TXNRD1: variants seen among roughly 807,000 people sequenced by gnomAD.
TXNRD1 encodes thioredoxin reductase 1, cytoplasmic.
Under a neutral mutation model 80.3 loss-of-function variants are expected in TXNRD1, and 57 were observed. The observed-to-expected ratio is 0.71, with a 90% CI of 0.57 to 0.89. The LOEUF is 0.89. Ranked by LOEUF, TXNRD1 falls within the 40% of genes least tolerant of loss-of-function variation. The pLI, the probability that TXNRD1 is intolerant of heterozygous loss-of-function variation, is 0.00. For missense variants in TXNRD1, 730 were observed against 803.0 expected (o/e 0.91, Z 1.10); for synonymous variants, 291 against 285.2 (o/e 1.02, Z -0.20).
Position 104,348,439 on chromosome 12 carries a change from G to C in TXNRD1, c.*18G>C. 1.2e-6 allele frequency: 2 copies of C among 1,613,494 alleles called. No homozygotes were observed. Among genetic ancestry groups the C allele is most frequent in the Non-Finnish European group, 1.7e-6 (2 of 1,179,500 alleles). On this transcript the variant is annotated 3_prime_UTR_variant, in exon 17 of 17. Transcript: ENST00000525566. ...GAGGTTAAGCCCCAGTGTGGATGCT[G>C]TTGCCAAGACTGCAAACCACTGGCT...
At chr12:104,315,976 C>T in intron 7 of TXNRD1, 80 bp downstream of exon 7, 2 of 1,470,846 alleles carry the variant, frequency 1.4e-6, no homozygotes, top group Non-Finnish European at 1.8e-6. Flanking sequence ...CGTCCATTTT[C>T]ATGAAGATAG....
intron 3 of TXNRD1, among the ~76,000 whole-genome samples, chr12:104,276,894 G>A (rs931486583): frequency 2.0e-5 from 3 of 152,216 alleles, no homozygotes; most frequent in South Asian, 4.1e-4. Flanking sequence ...TGTTCATTAA[G>A]TGATGGTTCT....
At chr12:104,247,420 C>T (rs143508111) in intron 1 of TXNRD1, among the ~76,000 whole-genome samples, 419 of 152,228 alleles carry the variant, frequency 2.8e-3, no homozygotes, top group East Asian at 0.017. Flanking sequence ...GCTGTTCCTG[C>T]AACATTTACT....
At chr12:104,227,686 T>C (rs1303105539) in intron 1 of TXNRD1, among the ~76,000 whole-genome samples, 1 of 152,224 alleles carries the variant, frequency 6.6e-6, no homozygotes, top group Non-Finnish European at 1.5e-5. Flanking sequence ...CCCCAGTTGA[T>C]TAGGATACAA....
intron 1 of TXNRD1, among the ~76,000 whole-genome samples, chr12:104,243,315 G>A (rs1479445919): frequency 2.0e-5 from 3 of 151,888 alleles, no homozygotes. Context: ...TATTTTTCCA[G>A]CTTGTCTCAT....
chr12:104,248,525 T>C (rs1197259929), intron 1 of TXNRD1, among the ~76,000 whole-genome samples: 1 of 152,156 alleles, frequency 6.6e-6, no homozygotes, highest in African/African-American at 2.4e-5. Context: ...CCTCAGGTGA[T>C]CCAACTGCAT....
At chr12:104,222,178 G>A (rs1023702032) in intron 1 of TXNRD1, among the ~76,000 whole-genome samples, 10 of 152,190 alleles carry the variant, frequency 6.6e-5, no homozygotes, top group Admixed American at 5.9e-4. Context: ...TATGGTCTGT[G>A]AATGTGTAGA....
At chr12:104,253,217 GA>G (rs1287725470) in intron 2 of TXNRD1, among the ~76,000 whole-genome samples, 1 of 152,056 alleles carries the variant, frequency 6.6e-6, no homozygotes, top group African/African-American at 2.4e-5. Flanking sequence ...CCCAAGTAAA[GA>G]AAAAGGAAGG....
At chr12:104,250,449 A>G (rs572613265) in intron 1 of TXNRD1, among the ~76,000 whole-genome samples, 33 of 152,346 alleles carry the variant, frequency 2.2e-4, no homozygotes, top group African/African-American at 7.9e-4. Flanking sequence ...TATATTTTAA[A>G]GCTGTTTTTT....
chr12:104,299,931 G>A (rs2034564896), intron 4 of TXNRD1, among the ~76,000 whole-genome samples: 1 of 152,232 alleles, frequency 6.6e-6, no homozygotes, highest in Admixed American at 6.5e-5. Flanking sequence ...AGAAGGAACA[G>A]AAAAGTTTAG....
At chr12:104,326,125 T>G (rs1275395700) in intron 11 of TXNRD1, among the ~76,000 whole-genome samples, 2 of 152,188 alleles carry the variant, frequency 1.3e-5, no homozygotes, top group Non-Finnish European at 2.9e-5. Flanking sequence ...TTTTTCCTAA[T>G]CAGAAGTGGA....
intron 1 of TXNRD1, among the ~76,000 whole-genome samples, chr12:104,236,192 G>T (rs1432383469): frequency 6.6e-6 from 1 of 152,152 alleles, no homozygotes; most frequent in Non-Finnish European, 1.5e-5. Flanking sequence ...TCCTCCCAAA[G>T]TTGGTTCGGC....
chr12:104,279,741 A>G (rs930620890), intron 3 of TXNRD1, among the ~76,000 whole-genome samples: 5 of 152,156 alleles, frequency 3.3e-5, no homozygotes, highest in Non-Finnish European at 7.3e-5. Flanking sequence ...AACATGCTGT[A>G]ATAATTTCCT....
At chr12:104,286,976 G>A in intron 3 of TXNRD1, 2 of 1,257,570 alleles carry the variant, frequency 1.6e-6, no homozygotes, top group Non-Finnish European at 2.0e-6. Context: ...CTCGGCGCAG[G>A]GCGTGGCTTC....
intron 3 of TXNRD1, among the ~76,000 whole-genome samples, chr12:104,266,967 T>C (rs1250157778): frequency 7.4e-6 from 1 of 134,538 alleles, no homozygotes; most frequent in Non-Finnish European, 1.6e-5. Flanking sequence ...GTCTCAAAAA[T>C]AAATAAATAA....
In TXNRD1 at chr12:104,339,152, G is replaced by C. The variant is rs542935965; in HGVS notation, c.1760G>C (p.Gly587Ala). ...TTTTTGCCTTAGGAACGTGTTGTGG[G>C]CTTTCACGTACTGGGTCCAAATGCT... ...CNTKDNERVV[G>A]FHVLGPNAGE... Residue 587 changes from glycine (G) to alanine (A), a missense_variant, in exon 16 of 17, where the codon GGC becomes GCC. By Grantham distance (60) the Gly-to-Ala change is moderately conservative (BLOSUM62 0). Coordinates refer to ENST00000525566, the MANE Select transcript of TXNRD1 (RefSeq NM_001093771.3). 3.5e-5 allele frequency: 57 copies of C among 1,613,798 alleles called. No homozygotes were observed. The highest frequency in any genetic ancestry group is 4.0e-5 in the Non-Finnish European group (47 of 1,179,868).
chr12:104,248,438 C>CA, intron 1 of TXNRD1, among the ~76,000 whole-genome samples: 1 of 152,298 alleles, frequency 6.6e-6, no homozygotes, highest in Non-Finnish European at 1.5e-5. Flanking sequence ...GCGCGTGCCA[C>CA]AACACCCAGC....
chr12:104,300,125 A>G (rs2034571656), intron 4 of TXNRD1, among the ~76,000 whole-genome samples: 1 of 152,230 alleles, frequency 6.6e-6, no homozygotes, highest in East Asian at 1.9e-4. Flanking sequence ...ACAGGGAGAC[A>G]TGTGACCTTT....
intron 2 of TXNRD1, among the ~76,000 whole-genome samples, chr12:104,252,766 G>T (rs561071866): frequency 8.9e-5 from 11 of 123,168 alleles, no homozygotes; most frequent in African/African-American, 3.5e-4. Context: ...GCAGTGGCGC[G>T]ATCTCAGCTC....
Sources: allele counts gnomAD v4.1 joint callset (sites outside exome capture counted in the v4.1 genomes callset), GRCh38; gene constraint gnomAD v4.1.1; transcripts MANE v1.5; gene names NCBI Gene and HGNC (gene_info 2026-07-23, HGNC 2026-07-21).